The following CHIC1 variants were observed in gnomAD, a reference collection of about 807,000 sequenced individuals.
CHIC1 encodes the protein cysteine-rich hydrophobic domain-containing protein 1.
CHIC1 carries 7 observed loss-of-function variants against 18.5 expected under a neutral mutation model. The ratio of observed to expected loss-of-function variants is 0.38; its 90% confidence interval spans 0.22 to 0.71. The LOEUF (loss-of-function observed/expected upper bound fraction) is 0.71, where lower values mean the gene tolerates loss of function less well. Among genes scored for constraint, CHIC1 ranks in the 30% least tolerant of loss-of-function variants. The pLI is 0.49. For missense variants in CHIC1, 159 were observed against 176.9 expected (o/e 0.90, Z 0.57); for synonymous variants, 77 against 73.5 (o/e 1.05, Z -0.25).
At chrX:73,655,566 AGT>A (rs751338029) in intron 3 of CHIC1, among the ~76,000 whole-genome samples, 3 of 90,013 alleles carry the variant, frequency 3.3e-5, no homozygotes, top group Non-Finnish European at 2.1e-5. Flanking sequence ...GTGTATATAT[AGT>A]GTGTGCATAT....
Position 73,682,694 on chromosome X carries a change from C to A in CHIC1, c.*1689C>A, listed in dbSNP as rs1228430713. ...TCCACCTTCCTCTGTGCCCCATTAC[C>A]TCTGTGCCACTCAGTCACCCCAAAT... On this transcript the variant is annotated 3_prime_UTR_variant, in exon 6 of 6. Transcript: ENST00000373502. The A allele has an allele frequency of 9.0e-6, 1 of 111,712 alleles. No individual in the cohort carries two copies. Among genetic ancestry groups the A allele is most frequent in the Non-Finnish European group, 1.9e-5 (1 of 52,827 alleles). 9.2% of individuals were successfully genotyped at this position (111,712 alleles called of 1,213,427 possible). A position where few individuals can be genotyped will look rare whatever the true frequency, so the allele number is the denominator to read the frequency against.
At chrX:73,634,870 T>C (rs915519586) in intron 3 of CHIC1, among the ~76,000 whole-genome samples, 2 of 111,340 alleles carry the variant, frequency 1.8e-5, no homozygotes, top group African/African-American at 6.5e-5. Context: ...TTTTTTGGCA[T>C]CAAGCTGTGC....
intron 3 of CHIC1, among the ~76,000 whole-genome samples, chrX:73,649,481 A>G (rs192062289): frequency 1.3e-4 from 15 of 111,922 alleles, no homozygotes; most frequent in Non-Finnish European, 2.3e-4. Flanking sequence ...CAGGCTCAAA[A>G]TAAAGGAATG....
intron 3 of CHIC1, among the ~76,000 whole-genome samples, chrX:73,604,240 G>C (rs970166505): frequency 1.9e-5 from 2 of 103,602 alleles, no homozygotes; most frequent in Admixed American, 1.0e-4. Context: ...TGGGGGCAGG[G>C]GGTGTATGTG....
In CHIC1 at chrX:73,563,311, G is replaced by A. The variant is rs1488124615; in HGVS notation, c.27G>A (p.Ala9=). Residue 9 remains alanine, a synonymous_variant, in exon 1 of 6, where the codon GCG becomes GCA. Coordinates refer to ENST00000373502, the MANE Select transcript of CHIC1 (RefSeq NM_001039840.4). The part of the protein sequence containing the change: MSILLPNM[A]EFDTISELEE... ...TGAGCATCCTGCTGCCCAACATGGCGGAGTTCGACACCATCTCGGAACTGG... is the reference window on the plus strand; with the variant it reads ...TGAGCATCCTGCTGCCCAACATGGCAGAGTTCGACACCATCTCGGAACTGG... 1.8e-6 allele frequency: 2 copies of A among 1,134,326 alleles called. No individual in the cohort carries two copies. Among genetic ancestry groups the A allele is most frequent in the Non-Finnish European group, 1.2e-6 (1 of 855,501 alleles). 93.5% of individuals were successfully genotyped at this position (1,134,326 alleles called of 1,213,427 possible). A position where few individuals can be genotyped will look rare whatever the true frequency, so the allele number is the denominator to read the frequency against.
In CHIC1 at chrX:73,598,212, G is replaced by A. The variant is rs776749760; in HGVS notation, c.507+13640G>A. 2.7e-5 allele frequency among the ~76,000 whole-genome samples: 3 copies of A among 110,933 alleles called. No individual in the cohort carries two copies. In the East Asian group the frequency reaches 8.6e-4, roughly 32 times the overall value. ...AATTGCCACACTGTCTTCCACAATG[G>A]TTTAACTAATTTACACTCTCCATCC... On this transcript the variant is annotated intron_variant, in intron 3 of 5. Coordinates refer to ENST00000373502, the MANE Select transcript of CHIC1 (RefSeq NM_001039840.4).
rs896105408 is a variant in CHIC1 at position 73,682,609 on chromosome X, A to G, written c.*1604A>G. 5.4e-5 allele frequency: 6 copies of G among 111,847 alleles called. No homozygotes were observed. Among genetic ancestry groups the G allele is most frequent in the Non-Finnish European group, 1.1e-4 (6 of 52,835 alleles). 9.2% of individuals were successfully genotyped at this position (111,847 alleles called of 1,213,427 possible). The stretch of plus-strand genomic sequence containing the variant: ...TCCACAGTCCTTGACCAGTTTAAAA[A>G]AGAGAGGAAAAAGAAGACACTATTT... On this transcript the variant is annotated 3_prime_UTR_variant, in exon 6 of 6. Coordinates refer to ENST00000373502, the MANE Select transcript of CHIC1 (RefSeq NM_001039840.4).
chrX:73,655,623 T>C (rs1454019596), intron 3 of CHIC1, among the ~76,000 whole-genome samples: 8 of 53,638 alleles, frequency 1.5e-4, no homozygotes. Flanking sequence ...TGTGTGTATA[T>C]ATATATATAG....
chrX:73,621,678 A>G (rs954479059), intron 3 of CHIC1, among the ~76,000 whole-genome samples: 1 of 111,634 alleles, frequency 9.0e-6, no homozygotes, highest in African/African-American at 3.3e-5. Flanking sequence ...CTATTTGAAT[A>G]CCCTTTATTT....
chrX:73,597,620 CAT>C (rs35697207), intron 3 of CHIC1, among the ~76,000 whole-genome samples: 36 of 104,072 alleles, frequency 3.5e-4, no homozygotes, highest in Non-Finnish European at 4.1e-4. Context: ...CACACACACA[CAT>C]ATATATATAT....
Position 73,670,652 on chromosome X carries a change from G to A in CHIC1, c.508-8674G>A, listed in dbSNP as rs1448090981. The stretch of plus-strand genomic sequence containing the variant: ...TTTCAAATCTACTGTTTTGATGTAG[G>A]CATTTATTGCTATAAACTTCTTAGT... On this transcript the variant is annotated intron_variant, in intron 3 of 5. Coordinates refer to ENST00000373502, the MANE Select transcript of CHIC1 (RefSeq NM_001039840.4). Among the ~76,000 whole-genome samples, 4 of 110,074 alleles carry A rather than the reference G, an allele frequency of 3.6e-5. No homozygotes were observed. The South Asian group carries it at 1.2e-3, about 32-fold the overall frequency.
chrX:73,635,070 C>T (rs1291608440), intron 3 of CHIC1, among the ~76,000 whole-genome samples: 1 of 110,481 alleles, frequency 9.1e-6, no homozygotes, highest in African/African-American at 3.3e-5. Flanking sequence ...AAGCTGGAAC[C>T]TCTTGTTCTG....
intron 1 of CHIC1, among the ~76,000 whole-genome samples, chrX:73,575,623 C>CA (rs2057493709): frequency 9.1e-6 from 1 of 109,603 alleles, no homozygotes; most frequent in Non-Finnish European, 1.9e-5. Flanking sequence ...ATATAAAAGA[C>CA]AAAAAATGGT....
At chrX:73,671,286 A>C (rs919455621) in intron 3 of CHIC1, among the ~76,000 whole-genome samples, 1 of 111,820 alleles carries the variant, frequency 8.9e-6, no homozygotes, top group Admixed American at 9.5e-5. Context: ...TTTTCAGTTG[A>C]ATCTCTTTTG....
chrX:73,672,807 T>A (rs1368901123), intron 3 of CHIC1, among the ~76,000 whole-genome samples: 1 of 111,952 alleles, frequency 8.9e-6, no homozygotes, highest in Non-Finnish European at 1.9e-5. Flanking sequence ...TTGTTGCCAT[T>A]GCTTTTGGTG....
chrX:73,645,274 A>T (rs187108978), intron 3 of CHIC1, among the ~76,000 whole-genome samples: 16 of 112,272 alleles, frequency 1.4e-4, no homozygotes, highest in Non-Finnish European at 2.6e-4. Flanking sequence ...GAATTCTATC[A>T]TGTATATGTG....
chrX:73,587,733 G>T (rs1225238808), intron 3 of CHIC1, among the ~76,000 whole-genome samples: 1 of 111,700 alleles, frequency 9.0e-6, no homozygotes, highest in Non-Finnish European at 1.9e-5. Context: ...CAAGAATTAA[G>T]CAAATTACGT....
chrX:73,569,778 A>G (rs1239015247), intron 1 of CHIC1, among the ~76,000 whole-genome samples: 2 of 111,420 alleles, frequency 1.8e-5, no homozygotes, highest in Non-Finnish European at 3.8e-5. Flanking sequence ...TTAAGGGAAA[A>G]AATATCTCAT....
chrX:73,683,575 T>C lies in CHIC1; in HGVS notation c.*2570T>C, dbSNP rs1392915811. The C allele has an allele frequency of 8.9e-6, 1 of 111,832 alleles. No homozygotes were observed. The highest frequency in any genetic ancestry group is 3.2e-5 in the African/African-American group (1 of 30,905). The allele number at this position is 111,832 out of a possible 1,213,427, so 9.2% of individuals were successfully genotyped here. A position where few individuals can be genotyped will look rare whatever the true frequency, so the allele number is the denominator to read the frequency against. On this transcript the variant is annotated 3_prime_UTR_variant, in exon 6 of 6. Transcript: ENST00000373502. ...TTTCCATTAGGTTAGTAACATACTT[T>C]TGTGAAAGTTGTTTTTAGACTGAAG...
Sources: gnomAD v4.1 joint callset for allele counts (sites outside exome capture counted in the v4.1 genomes callset) on GRCh38, gnomAD v4.1.1 for gene constraint, MANE v1.5 for transcripts, NCBI Gene and HGNC (gene_info 2026-07-23, HGNC 2026-07-21) for gene names.